GJB7: variants seen among roughly 807,000 people sequenced by gnomAD.
GJB7 encodes gap junction beta-7 protein.
For synonymous variants in GJB7, 87 were observed against 95.2 expected (o/e 0.91, Z 0.50); for missense variants, 253 against 256.8 (o/e 0.99, Z 0.10).
intron 2 of GJB7, among the ~76,000 whole-genome samples, chr6:87,310,138 C>T (rs1247394419): frequency 1.3e-5 from 2 of 151,798 alleles, no homozygotes; most frequent in African/African-American, 2.4e-5. Flanking sequence ...CTAACTCACA[C>T]GATACACAAA....
At chr6:87,323,548 G>C (rs1051424280) in intron 1 of GJB7, among the ~76,000 whole-genome samples, 6 of 151,358 alleles carry the variant, frequency 4.0e-5, no homozygotes, top group African/African-American at 1.5e-4. Flanking sequence ...TCTTGCGATA[G>C]TTTACTGAGA....
intron 2 of GJB7, chr6:87,298,826 C>T: frequency 2.7e-6 from 1 of 373,538 alleles, no homozygotes; most frequent in Non-Finnish European, 5.4e-6. Context: ...GGGTACTAGC[C>T]CCTTATCTCA....
intron 2 of GJB7, among the ~76,000 whole-genome samples, chr6:87,297,226 T>C (rs1405327154): frequency 6.6e-6 from 1 of 152,224 alleles, no homozygotes; most frequent in Non-Finnish European, 1.5e-5. Context: ...TTCAATCATA[T>C]TTACAGTTAA....
At chr6:87,305,686 C>T (rs1582562405) in intron 2 of GJB7, among the ~76,000 whole-genome samples, 1 of 152,172 alleles carries the variant, frequency 6.6e-6, no homozygotes, top group Non-Finnish European at 1.5e-5. Flanking sequence ...CTTTAAAGTT[C>T]ATATGGAACC....
intron 2 of GJB7, among the ~76,000 whole-genome samples, chr6:87,290,180 G>A (rs1375504998): frequency 3.3e-5 from 5 of 152,156 alleles, no homozygotes; most frequent in Non-Finnish European, 7.3e-5. Context: ...AAAACTCAAA[G>A]AGGTGGGATA....
intron 2 of GJB7, among the ~76,000 whole-genome samples, chr6:87,310,132 C>CT (rs969208363): frequency 6.6e-6 from 1 of 152,092 alleles, no homozygotes; most frequent in African/African-American, 2.4e-5. Flanking sequence ...TGATTGCTAA[C>CT]TCACACGATA....
At chr6:87,305,962 C>T (rs1468774396) in intron 2 of GJB7, among the ~76,000 whole-genome samples, 1 of 152,034 alleles carries the variant, frequency 6.6e-6, no homozygotes, top group Non-Finnish European at 1.5e-5. Context: ...GCTGGGAAAA[C>T]TGGCTAGCCA....
Position 87,284,382 on chromosome 6 carries a change from C to T in GJB7, c.531G>A (p.Thr177=), listed in dbSNP as rs746149060. The T allele has an allele frequency of 2.7e-5, 43 of 1,613,932 alleles. No individual in the cohort carries two copies. The highest frequency in any genetic ancestry group is 4.5e-5 in the East Asian group (2 of 44,892). The change falls in exon 3 of 3, where the codon ACG becomes ACA. Residue 177 remains threonine, a synonymous_variant. Coordinates refer to ENST00000525899, the MANE Select transcript of GJB7 (RefSeq NM_198568.3). ...DCFISKPTEK[T]IFILFLVITS... ...TGATGACCAAGAAGAGGATGAAGAT[C>T]GTCTTCTCAGTGGGTTTGGAGATGA...
At chr6:87,300,616 T>A (rs888371338) in intron 2 of GJB7, among the ~76,000 whole-genome samples, 6 of 152,240 alleles carry the variant, frequency 3.9e-5, no homozygotes, top group African/African-American at 1.4e-4. Context: ...TATAATGGGT[T>A]ACTGCTGCCA....
At position 87,284,694 on chromosome 6, in the gene GJB7, T is replaced by G; in HGVS notation, c.219A>C (p.Gln73His). Residue 73 changes from glutamine to histidine, a missense_variant, in exon 3 of 3, where the codon CAA becomes CAC. Coordinates refer to ENST00000525899, the MANE Select transcript of GJB7 (RefSeq NM_198568.3). ...VCFDDFFPIS[Q>H]VRLWALQLIM... ...TCAGTTGTAAGGCCCAAAGTCTGAC[T>G]TGGGAAATGGGGAAGAAGTCATCAA... 1 of 1,614,150 alleles carries G rather than the reference T, an allele frequency of 6.2e-7. No individual in the cohort carries two copies. Among genetic ancestry groups the G allele is most frequent in the Non-Finnish European group, 8.5e-7 (1 of 1,180,026 alleles).
rs1428637337 is a variant in GJB7 at position 87,299,222 on chromosome 6, A to G, written c.-27-14283T>C. 7 of 447,078 alleles carry G rather than the reference A, an allele frequency of 1.6e-5. No individual in the cohort carries two copies. The East Asian group carries it at 4.2e-4, about 27-fold the overall frequency. 27.7% of individuals were successfully genotyped at this position (447,078 alleles called of 1,614,324 possible). A position where few individuals can be genotyped will look rare whatever the true frequency, so the allele number is the denominator to read the frequency against. The stretch of plus-strand genomic sequence containing the variant: ...TGATGTTATAATTGCTGAACTTAAG[A>G]AGCTGTCTGAACCATGACAACCCCT... On this transcript the variant is annotated intron_variant, in intron 2 of 2. Coordinates refer to ENST00000525899, the MANE Select transcript of GJB7 (RefSeq NM_198568.3).
intron 2 of GJB7, among the ~76,000 whole-genome samples, chr6:87,318,144 T>C (rs16878991): frequency 0.07 from 10,526 of 151,088 alleles, 768 homozygotes; most frequent in African/African-American, 0.19. Flanking sequence ...TACTAATTTA[T>C]ATATCACACC....
rs535550675 is a variant in GJB7, at chr6:87,296,248, C to A, written c.-27-11309G>T. Among the ~76,000 whole-genome samples the A allele has an allele frequency of 4.6e-5, 7 of 152,202 alleles. No individual in the cohort carries two copies. The East Asian group carries it at 1.3e-3, about 29-fold the overall frequency. On this transcript the variant is annotated intron_variant, in intron 2 of 2. Transcript: ENST00000525899. ...GGATGTTAATGCAGGTGTTGGGAAA[C>A]AAACAAAAAATTGATCTCCACCAAC... is the stretch of plus-strand genomic sequence containing the variant.
intron 1 of GJB7, among the ~76,000 whole-genome samples, chr6:87,324,067 G>A (rs1312326963): frequency 6.6e-6 from 1 of 151,230 alleles, no homozygotes; most frequent in African/African-American, 2.5e-5. Context: ...CTGCATAAAT[G>A]TCTTCTTTTG....
At chr6:87,298,759 C>T in intron 2 of GJB7, 1 of 231,752 alleles carries the variant, frequency 4.3e-6, no homozygotes, top group South Asian at 6.9e-5. Context: ...CGCCTCGCTG[C>T]CATCCGACAG....
At chr6:87,326,252 A>G (rs929476559) in intron 1 of GJB7, among the ~76,000 whole-genome samples, 1 of 151,884 alleles carries the variant, frequency 6.6e-6, no homozygotes, top group Non-Finnish European at 1.5e-5. Context: ...AGGGTTTTTA[A>G]TGTCTCTATT....
In GJB7 at chr6:87,284,147, G is replaced by A; in HGVS notation, c.*94C>T. Reference sequence around the variant, plus strand: ...GTGTCACAGAGTAGCTTTGCTTCAGGTAGAGGGAGTGTGTTTATGGCCAAG... The same window carrying A: ...GTGTCACAGAGTAGCTTTGCTTCAGATAGAGGGAGTGTGTTTATGGCCAAG... On this transcript the variant is annotated 3_prime_UTR_variant, in exon 3 of 3. Coordinates refer to ENST00000525899, the MANE Select transcript of GJB7 (RefSeq NM_198568.3). 2 of 991,454 alleles carry A rather than the reference G, an allele frequency of 2.0e-6. No homozygotes were observed. Among genetic ancestry groups the A allele is most frequent in the South Asian group, 1.5e-5 (1 of 64,934 alleles). 61.4% of individuals were successfully genotyped at this position (991,454 alleles called of 1,614,324 possible).
chr6:87,310,106 G>GA (rs1454684496), intron 2 of GJB7, among the ~76,000 whole-genome samples: 1 of 151,574 alleles, frequency 6.6e-6, no homozygotes, highest in Admixed American at 6.6e-5. Flanking sequence ...AATCCATATG[G>GA]AAAAAAAATT....
chr6:87,305,058 C>A (rs1052529282), intron 2 of GJB7, among the ~76,000 whole-genome samples: 2 of 152,216 alleles, frequency 1.3e-5, no homozygotes, highest in African/African-American at 4.8e-5. Context: ...GACAAACCCA[C>A]AGCCAATATC....
Sources: gnomAD v4.1 joint callset for allele counts (sites outside exome capture counted in the v4.1 genomes callset) on GRCh38, gnomAD v4.1.1 for gene constraint, MANE v1.5 for transcripts, NCBI Gene and HGNC (gene_info 2026-07-23, HGNC 2026-07-21) for gene names.